ZNF804A: variants seen among roughly 807,000 people sequenced by gnomAD.
The protein encoded by ZNF804A is zinc finger protein 804A.
ZNF804A carries 2 observed loss-of-function variants against 16.5 expected under a neutral mutation model. That is an observed-to-expected ratio of 0.12 (90% CI 0.05 to 0.38). The LOEUF (loss-of-function observed/expected upper bound fraction) is 0.38. Ranked by LOEUF, ZNF804A falls within the 10% of genes least tolerant of loss-of-function variation. ZNF804A has a pLI of 0.99. For missense variants in ZNF804A, 1,473 were observed against 1,390.7 expected, an observed-to-expected ratio of 1.06 and a Z score of -0.94; for synonymous variants, 534 against 489.6, an observed-to-expected ratio of 1.09 and a Z score of -1.20.
intron 1 of ZNF804A, among the ~76,000 whole-genome samples, chr2:184,772,581 C>T (rs971780753): frequency 5.3e-5 from 8 of 151,578 alleles, no homozygotes; most frequent in Admixed American, 2.0e-4. Flanking sequence ...CCACTATGAC[C>T]GTTTGTGTAC....
chr2:184,899,978 A>T (rs1453578065), intron 2 of ZNF804A, among the ~76,000 whole-genome samples: 1 of 152,122 alleles, frequency 6.6e-6, no homozygotes, highest in Non-Finnish European at 1.5e-5. Context: ...CTTCAAATAA[A>T]AGTAGCAAAT....
At chr2:184,670,129 A>C (rs1446203473) in intron 1 of ZNF804A, among the ~76,000 whole-genome samples, 1 of 152,112 alleles carries the variant, frequency 6.6e-6, no homozygotes, top group Non-Finnish European at 1.5e-5. Flanking sequence ...AGTATTGCCT[A>C]AGAAGTCTTT....
chr2:184,610,191 C>A (rs384591), intron 1 of ZNF804A, among the ~76,000 whole-genome samples: 2 of 152,112 alleles, frequency 1.3e-5, no homozygotes, highest in African/African-American at 4.8e-5. Flanking sequence ...AGAGAGTCCC[C>A]GCCAGTAAGA....
chr2:184,692,893 A>T (rs1272505668), intron 1 of ZNF804A, among the ~76,000 whole-genome samples: 2 of 152,220 alleles, frequency 1.3e-5, no homozygotes, highest in Non-Finnish European at 2.9e-5. Context: ...AATAAAAAAA[A>T]TACATAGCTA....
chr2:184,834,629 A>G (rs189759703), intron 1 of ZNF804A, among the ~76,000 whole-genome samples: 13 of 152,262 alleles, frequency 8.5e-5, no homozygotes, highest in Admixed American at 2.6e-4. Context: ...CATGCAACAA[A>G]GGAGGGTTCA....
chr2:184,667,468 A>C (rs1168076714), intron 1 of ZNF804A, among the ~76,000 whole-genome samples: 2 of 151,886 alleles, frequency 1.3e-5, no homozygotes, highest in Non-Finnish European at 3.0e-5. Context: ...ATATACTGGT[A>C]TATTTCATCT....
intron 1 of ZNF804A, among the ~76,000 whole-genome samples, chr2:184,865,860 A>C (rs13398732): frequency 0.14 from 21,039 of 152,204 alleles, 1,564 homozygotes; most frequent in Middle Eastern, 0.24. Flanking sequence ...ATAAAAAAAA[A>C]TCAGTCCAGT....
Position 184,718,520 on chromosome 2 carries a change from G to C in ZNF804A, c.111+119450G>C, listed in dbSNP as rs528632491. ...TACCTATGAGCCTATGAAATAAAAA[G>C]CAAGTTAGTTACTTCCTAGATACAA... On this transcript the variant is annotated intron_variant, in intron 1 of 3. Coordinates refer to ENST00000302277, the MANE Select transcript of ZNF804A (RefSeq NM_194250.2). Among the ~76,000 whole-genome samples, 14 of 152,216 alleles carry C rather than the reference G, an allele frequency of 9.2e-5. No homozygotes were observed. In the South Asian group the frequency reaches 1.2e-3, roughly 14 times the overall value.
intron 2 of ZNF804A, among the ~76,000 whole-genome samples, chr2:184,879,211 A>C (rs931851933): frequency 6.6e-6 from 1 of 151,966 alleles, no homozygotes; most frequent in Non-Finnish European, 1.5e-5. Flanking sequence ...AATATTTGCA[A>C]TCTTGGTAAT....
intron 1 of ZNF804A, among the ~76,000 whole-genome samples, chr2:184,858,979 C>G (rs991813860): frequency 6.6e-6 from 1 of 152,138 alleles, no homozygotes; most frequent in Admixed American, 6.6e-5. Context: ...GTAATTCATC[C>G]CACTGGCTCC....
intron 1 of ZNF804A, among the ~76,000 whole-genome samples, chr2:184,860,429 T>A (rs1695781493): frequency 6.6e-6 from 1 of 152,230 alleles, no homozygotes; most frequent in South Asian, 2.1e-4. Flanking sequence ...TAGCAGTGAA[T>A]GAACCTAGAT....
In ZNF804A at chr2:184,938,606, T is replaced by G; in HGVS notation, c.3210T>G (p.Pro1070=). The G allele has an allele frequency of 6.2e-7, 1 of 1,613,986 alleles. No homozygotes were observed. The highest frequency in any genetic ancestry group is 1.1e-5 in the South Asian group (1 of 91,074). Residue 1070 remains proline (P), a synonymous_variant, in exon 4 of 4, where the codon CCT becomes CCG. Coordinates refer to ENST00000302277, the MANE Select transcript of ZNF804A (RefSeq NM_194250.2). ...MLANKVKFTF[P]PAALPPPSTP... ...CCAACAAGGTTAAATTTACCTTTCC[T>G]CCAGCTGCCCTCCCACCCCCTAGCA...
intron 1 of ZNF804A, among the ~76,000 whole-genome samples, chr2:184,652,141 A>T (rs1049975856): frequency 2.0e-5 from 3 of 152,194 alleles, no homozygotes; most frequent in African/African-American, 7.2e-5. Flanking sequence ...TTGCAGCAAC[A>T]TGGATGGGGC....
chr2:184,692,004 T>G (rs1007376993), intron 1 of ZNF804A, among the ~76,000 whole-genome samples: 1 of 152,190 alleles, frequency 6.6e-6, no homozygotes, highest in African/African-American at 2.4e-5. Flanking sequence ...TGTTACTTTC[T>G]CTTAAAAGAA....
chr2:184,675,822 T>C (rs1019134159), intron 1 of ZNF804A, among the ~76,000 whole-genome samples: 1 of 151,770 alleles, frequency 6.6e-6, no homozygotes, highest in Non-Finnish European at 1.5e-5. Context: ...TCTTTTTTCA[T>C]TGGATGAAAT....
intron 1 of ZNF804A, among the ~76,000 whole-genome samples, chr2:184,665,063 T>C (rs2105708815): frequency 6.6e-6 from 1 of 151,974 alleles, no homozygotes; most frequent in Admixed American, 6.6e-5. Context: ...TTTGAAGCTG[T>C]ATCATATATA....
chr2:184,937,059 A>C lies in ZNF804A; in HGVS notation c.1663A>C (p.Ile555Leu), dbSNP rs747358428. The stretch of plus-strand genomic sequence containing the variant: ...GAGGTATAAAAACATTTCCTGTAAG[A>C]TCAGAGAAACAGAAAAGTATAATTT... ...GQRYKNISCK[I>L]RETEKYNFTK... is the part of the protein sequence containing the mutation. The change falls in exon 4 of 4, where the codon ATC (isoleucine) becomes CTC (leucine). Residue 555 changes from isoleucine (I) to leucine (L), a missense_variant. Coordinates refer to ENST00000302277, the MANE Select transcript of ZNF804A (RefSeq NM_194250.2). 2 of 1,604,736 alleles carry C rather than the reference A, an allele frequency of 1.2e-6. No homozygotes were observed. The highest frequency in any genetic ancestry group is 1.7e-6 in the Non-Finnish European group (2 of 1,177,506).
chr2:184,804,339 C>A (rs1003513445), intron 1 of ZNF804A, among the ~76,000 whole-genome samples: 2 of 152,228 alleles, frequency 1.3e-5, no homozygotes, highest in South Asian at 2.1e-4. Flanking sequence ...CACTATTAAA[C>A]CAACCAGAGA....
intron 1 of ZNF804A, among the ~76,000 whole-genome samples, chr2:184,644,739 A>G (rs1247749940): frequency 6.6e-6 from 1 of 152,062 alleles, no homozygotes; most frequent in Non-Finnish European, 1.5e-5. Flanking sequence ...CTGATTGCTC[A>G]AAGAGGTTTA....
Sources: allele counts gnomAD v4.1 joint callset (sites outside exome capture counted in the v4.1 genomes callset), GRCh38; gene constraint gnomAD v4.1.1; transcripts MANE v1.5; gene names NCBI Gene and HGNC (gene_info 2026-07-23, HGNC 2026-07-21).